The following BST1 variants were observed in gnomAD, a reference collection of about 807,000 sequenced individuals.
BST1 encodes ADP-ribosyl cyclase/cyclic ADP-ribose hydrolase 2.
Under a neutral mutation model 40.6 loss-of-function variants are expected in BST1, and 49 were observed. The ratio of observed to expected loss-of-function variants is 1.21; its 90% confidence interval spans 0.96 to 1.53. The LOEUF is 1.53. Among genes scored for constraint, BST1 ranks in the 40% most tolerant of loss-of-function variants. The pLI is 0.00. For missense variants in BST1, 423 were observed against 395.9 expected, an observed-to-expected ratio of 1.07 and a Z score of -0.58; for synonymous variants, 157 against 159.3, an observed-to-expected ratio of 0.99 and a Z score of 0.11.
chr4:15,722,821 T>C, intron 7 of BST1, 54 bp from the exon 8 acceptor site: 2 of 1,520,618 alleles, frequency 1.3e-6, no homozygotes, highest in East Asian at 4.5e-5. Flanking sequence ...CCATAAATGG[T>C]TGATGGATGA....
the BST1 span, among the ~76,000 whole-genome samples, chr4:15,763,877 A>G: frequency 1.3e-5 from 2 of 152,088 alleles, no homozygotes; most frequent in African/African-American, 4.8e-5. Flanking sequence ...GCAAAACTGC[A>G]GTGATAATAA....
At chr4:15,752,283 C>T in the BST1 span, among the ~76,000 whole-genome samples, 10 of 152,140 alleles carry the variant, frequency 6.6e-5, no homozygotes, top group East Asian at 1.9e-3. Flanking sequence ...AATAATACAA[C>T]ATGGAAAGCT....
chr4:15,703,859 T>A (rs1274707783), intron 1 of BST1, among the ~76,000 whole-genome samples: 1 of 125,040 alleles, frequency 8.0e-6, no homozygotes, highest in African/African-American at 3.1e-5. Context: ...AGGTGAGGGG[T>A]GTGTGCATGT....
At chr4:15,722,492 A>G (rs1280570247) in intron 7 of BST1, among the ~76,000 whole-genome samples, 1 of 152,036 alleles carries the variant, frequency 6.6e-6, no homozygotes, top group East Asian at 1.9e-4. Flanking sequence ...CAGTGGTGCG[A>G]TCATAGCTCA....
chr4:15,733,851 G>C (rs543179160), downstream of BST1, among the ~76,000 whole-genome samples: 4 of 152,236 alleles, frequency 2.6e-5, no homozygotes, highest in African/African-American at 9.6e-5. Flanking sequence ...ATGAAATTTA[G>C]GTGGGGATAC....
At chr4:15,772,017 C>T in the BST1 span, among the ~76,000 whole-genome samples, 1 of 151,948 alleles carries the variant, frequency 6.6e-6, no homozygotes, top group Non-Finnish European at 1.5e-5. Flanking sequence ...GTCTCTCTCT[C>T]TCTCTCTCTC....
chr4:15,749,386 T>TTTG, the BST1 span, among the ~76,000 whole-genome samples: 1 of 152,152 alleles, frequency 6.6e-6, no homozygotes, highest in Admixed American at 6.5e-5. Context: ...GAGTCTGGAT[T>TTTG]TTGTTGTTGT....
chr4:15,721,219 A>G lies in BST1; in HGVS notation c.792-1656A>G, dbSNP rs532777152. On this transcript the variant is annotated intron_variant, in intron 7 of 8. Coordinates refer to ENST00000265016, the MANE Select transcript of BST1 (RefSeq NM_004334.3). ...ATCCAACTCCAACCCAGATGTGAGAAACTCCTGCCCCTCACAATTCAGGTG... is the reference window on the plus strand; with the variant it reads ...ATCCAACTCCAACCCAGATGTGAGAGACTCCTGCCCCTCACAATTCAGGTG... 4.6e-5 allele frequency among the ~76,000 whole-genome samples: 7 copies of G among 152,234 alleles called. No homozygotes were observed. The South Asian group carries it at 1.5e-3, about 32-fold the overall frequency.
chr4:15,714,703 G>A (rs1720412054), intron 4 of BST1, among the ~76,000 whole-genome samples: 1 of 152,144 alleles, frequency 6.6e-6, no homozygotes, highest in African/African-American at 2.4e-5. Context: ...AATATTTCTG[G>A]CTTGTCTTCT....
chr4:15,727,377 T>A (rs974978261), intron 8 of BST1, among the ~76,000 whole-genome samples: 4 of 152,202 alleles, frequency 2.6e-5, no homozygotes, highest in African/African-American at 9.6e-5. Flanking sequence ...ATGTCAAGGA[T>A]AAAACTCTCT....
At chr4:15,735,834 A>G (rs1721540943), downstream of BST1, among the ~76,000 whole-genome samples, 1 of 152,202 alleles carries the variant, frequency 6.6e-6, no homozygotes, top group Non-Finnish European at 1.5e-5. Flanking sequence ...AATTAGAGAA[A>G]TGCCATTTTG....
At chr4:15,751,205 A>C in the BST1 span, among the ~76,000 whole-genome samples, 2 of 152,294 alleles carry the variant, frequency 1.3e-5, no homozygotes, top group South Asian at 2.1e-4. Context: ...ATATGAATTA[A>C]TTTGTCACAA....
chr4:15,731,642 C>A, intron 8 of BST1, 98 bp from the exon 9 acceptor site: 1 of 1,455,858 alleles, frequency 6.9e-7, no homozygotes, highest in Non-Finnish European at 9.4e-7. Context: ...TCTCGCTCCG[C>A]GCTAACCAGA....
chr4:15,728,767 T>G (rs1198646843), intron 8 of BST1, among the ~76,000 whole-genome samples: 1 of 151,662 alleles, frequency 6.6e-6, no homozygotes, highest in Non-Finnish European at 1.5e-5. Context: ...TGCCTCAGCC[T>G]GCCAAGTAGC....
chr4:15,732,946 TTCTG>T (rs1239862622), downstream of BST1, among the ~76,000 whole-genome samples: 1 of 152,150 alleles, frequency 6.6e-6, no homozygotes, highest in Non-Finnish European at 1.5e-5. Flanking sequence ...AGTTTCTTCC[TTCTG>T]GTGGGTTCGT....
At chr4:15,726,253 G>C (rs957633254) in intron 8 of BST1, among the ~76,000 whole-genome samples, 2 of 148,906 alleles carry the variant, frequency 1.3e-5, no homozygotes, top group Admixed American at 6.8e-5. Context: ...CAGGGACTTT[G>C]ACCTGTTTTT....
chr4:15,771,896 G>A, the BST1 span, among the ~76,000 whole-genome samples: 1 of 152,088 alleles, frequency 6.6e-6, no homozygotes, highest in Non-Finnish European at 1.5e-5. Flanking sequence ...AAAAGAATTG[G>A]GTAAGCAACC....
At chr4:15,773,201 A>C in the BST1 span, among the ~76,000 whole-genome samples, 3 of 152,242 alleles carry the variant, frequency 2.0e-5, no homozygotes, top group Admixed American at 2.0e-4. Flanking sequence ...AATAATTTGC[A>C]GGCAGTAGGA....
chr4:15,739,715 A>G (rs1721692918), downstream of BST1, among the ~76,000 whole-genome samples: 1 of 152,176 alleles, frequency 6.6e-6, no homozygotes, highest in Admixed American at 6.5e-5. Context: ...AAATTTTAAA[A>G]TAGTTAACAT....
Sources: gnomAD v4.1 joint callset for allele counts (sites outside exome capture counted in the v4.1 genomes callset) on GRCh38, gnomAD v4.1.1 for gene constraint, MANE v1.5 for transcripts, NCBI Gene and HGNC (gene_info 2026-07-23, HGNC 2026-07-21) for gene names.